Variants in CDH13 observed in about 807,000 individuals in gnomAD.
CDH13 encodes the protein cadherin-13.
In CDH13, 24 loss-of-function variants were observed where a neutral mutation model predicts 63.8. That is an observed-to-expected ratio of 0.38 (90% CI 0.27 to 0.53). The LOEUF (loss-of-function observed/expected upper bound fraction) is 0.53, where lower values mean the gene tolerates loss of function less well. Ranked by LOEUF, CDH13 falls within the 20% of genes least tolerant of loss-of-function variation. The pLI is 0.85. For synonymous variants in CDH13, 503 were observed against 355.3 expected (o/e 1.42, Z -4.67); for missense variants, 1,049 against 903.1 (o/e 1.16, Z -2.07).
In CDH13 at chr16:83,012,862, A is replaced by G. The variant is rs142236870; in HGVS notation, c.158-19148A>G. 3.0e-3 allele frequency among the ~76,000 whole-genome samples: 458 copies of G among 152,350 alleles called. 3 individuals carry two copies. In the Middle Eastern group the frequency reaches 0.034, roughly 11 times the overall value. On this transcript the variant is annotated intron_variant, in intron 2 of 13. Coordinates refer to ENST00000567109, the MANE Select transcript of CDH13 (RefSeq NM_001257.5). Reference sequence around the variant, plus strand: ...TAAGCCTCTTGAGAATTTATTTTAAATGGAAAATATCTCCCAGCAGATTGT... The same window carrying G: ...TAAGCCTCTTGAGAATTTATTTTAAGTGGAAAATATCTCCCAGCAGATTGT...
chr16:82,886,642 G>A (rs1384230217), intron 2 of CDH13, among the ~76,000 whole-genome samples: 2 of 150,680 alleles, frequency 1.3e-5, no homozygotes, highest in Non-Finnish European at 2.9e-5. Context: ...AGAAAGTTTT[G>A]GAATTTACTC....
At chr16:83,258,726 TTGTA>T (rs1906602475) in intron 5 of CDH13, among the ~76,000 whole-genome samples, 1 of 152,178 alleles carries the variant, frequency 6.6e-6, no homozygotes, top group African/African-American at 2.4e-5. Flanking sequence ...ACAGGGGTGT[TTGTA>T]TGTGCGCGTT....
intron 2 of CDH13, among the ~76,000 whole-genome samples, chr16:83,026,222 G>A (rs1915785546): frequency 6.6e-6 from 1 of 152,212 alleles, no homozygotes; most frequent in Non-Finnish European, 1.5e-5. Flanking sequence ...GCCCAAGGGG[G>A]CCATGTTGGG....
chr16:83,033,046 A>G (rs112596809), intron 3 of CDH13, among the ~76,000 whole-genome samples: 8 of 152,340 alleles, frequency 5.3e-5, no homozygotes, highest in East Asian at 1.9e-4. Flanking sequence ...TATGTTGTAC[A>G]TGTATGTGTA....
chr16:82,972,889 C>A (rs763941725), intron 2 of CDH13, among the ~76,000 whole-genome samples: 2 of 152,166 alleles, frequency 1.3e-5, no homozygotes, highest in African/African-American at 4.8e-5. Flanking sequence ...CCAGGTCACT[C>A]AGGCACAACC....
chr16:83,032,137 C>T lies in CDH13; in HGVS notation c.285C>T (p.Phe95=), dbSNP rs770842301. 3.7e-6 allele frequency: 6 copies of T among 1,613,492 alleles called. No homozygotes were observed. The highest frequency in any genetic ancestry group is 1.3e-5 in the African/African-American group (1 of 74,908). ...TAACTGCAGTGGGCAAAACTCTGTT[C>T]GTCCATGCACGGACCCCCCATGCGG... is the stretch of plus-strand genomic sequence containing the variant. ...RNITAVGKTL[F]VHARTPHAED... is the part of the protein sequence containing the mutation. Residue 95 remains phenylalanine (F), a synonymous_variant, in exon 3 of 14, where the codon TTC becomes TTT. Coordinates refer to ENST00000567109, the MANE Select transcript of CDH13 (RefSeq NM_001257.5).
Position 83,437,016 on chromosome 16 carries a change from A to G in CDH13, c.782-49461A>G, listed in dbSNP as rs563821302. On this transcript the variant is annotated intron_variant, in intron 6 of 13. Coordinates refer to ENST00000567109, the MANE Select transcript of CDH13 (RefSeq NM_001257.5). ...TTGGTGCTTGAGAACAAATTAAATC[A>G]AAGTCAAAACAACTAACTTTCCCTT... Among the ~76,000 whole-genome samples, 4 of 152,326 alleles carry G rather than the reference A, an allele frequency of 2.6e-5. No individual in the cohort carries two copies. The East Asian group carries it at 7.7e-4, about 29-fold the overall frequency.
intron 2 of CDH13, among the ~76,000 whole-genome samples, chr16:82,925,592 G>A (rs916193445): frequency 2.0e-5 from 3 of 152,184 alleles, no homozygotes; most frequent in African/African-American, 7.2e-5. Context: ...GAAGATCAGG[G>A]GAAGGTTTTT....
intron 1 of CDH13, among the ~76,000 whole-genome samples, chr16:82,729,600 G>C (rs949643586): frequency 6.6e-6 from 1 of 152,060 alleles, no homozygotes; most frequent in Non-Finnish European, 1.5e-5. Context: ...AGCACTGCAA[G>C]AGTAATTTAG....
Position 83,131,595 on chromosome 16 carries a change from T to G in CDH13, c.483+6094T>G, listed in dbSNP as rs189437884. 8.5e-5 allele frequency among the ~76,000 whole-genome samples: 13 copies of G among 152,278 alleles called. 1 individual carries two copies. The East Asian group carries it at 2.5e-3, about 29-fold the overall frequency. On this transcript the variant is annotated intron_variant, in intron 4 of 13. Transcript: ENST00000567109. ...TTTTGAGTTCTTGGGCCCGATTGAT[T>G]GAGAGCAGGGGACTTTAAATCTGTA...
chr16:83,433,646 C>T (rs1043110243), intron 6 of CDH13, among the ~76,000 whole-genome samples: 3 of 152,256 alleles, frequency 2.0e-5, no homozygotes, highest in African/African-American at 7.2e-5. Flanking sequence ...GATTCATTAC[C>T]CCAGCAGGAA....
chr16:83,505,531 CTTTTTTTTTT>C (rs5818453), intron 7 of CDH13, among the ~76,000 whole-genome samples: 9 of 97,380 alleles, frequency 9.2e-5, no homozygotes, highest in African/African-American at 2.5e-4. Context: ...GTGATTAATC[CTTTTTTTTTT>C]TTTTTTTTTT....
intron 10 of CDH13, among the ~76,000 whole-genome samples, chr16:83,707,804 T>C (rs954247322): frequency 2.0e-4 from 25 of 126,178 alleles, no homozygotes; most frequent in Admixed American, 1.0e-4. Flanking sequence ...GTGAACTGAG[T>C]GGGACTCATC....
At chr16:83,595,900 T>A (rs1211271859) in intron 7 of CDH13, among the ~76,000 whole-genome samples, 3 of 152,182 alleles carry the variant, frequency 2.0e-5, no homozygotes, top group African/African-American at 7.2e-5. Context: ...AGCTCTTGAG[T>A]ATACAGTGGA....
intron 6 of CDH13, among the ~76,000 whole-genome samples, chr16:83,368,669 T>A (rs1017167873): frequency 4.2e-5 from 6 of 143,908 alleles, no homozygotes; most frequent in Non-Finnish European, 9.3e-5. Context: ...TCCGTTGCCA[T>A]GCCCAACCCT....
chr16:83,288,006 T>C (rs1408174392), intron 5 of CDH13, among the ~76,000 whole-genome samples: 1 of 152,246 alleles, frequency 6.6e-6, no homozygotes, highest in African/African-American at 2.4e-5. Flanking sequence ...ACTGATTTCT[T>C]TCGTTTGACT....
intron 7 of CDH13, among the ~76,000 whole-genome samples, chr16:83,512,939 G>C (rs1176624622): frequency 6.6e-6 from 1 of 151,742 alleles, no homozygotes; most frequent in African/African-American, 2.4e-5. Flanking sequence ...GAGAACCTCT[G>C]ATCAAGCCCT....
chr16:82,681,970 C>T (rs1173397930), intron 1 of CDH13, among the ~76,000 whole-genome samples: 1 of 152,232 alleles, frequency 6.6e-6, no homozygotes, highest in East Asian at 1.9e-4. Context: ...CCTCTCCTTT[C>T]ATTTCCCCTC....
chr16:82,651,592 C>G (rs533675620), intron 1 of CDH13, among the ~76,000 whole-genome samples: 1 of 152,200 alleles, frequency 6.6e-6, no homozygotes, highest in Non-Finnish European at 1.5e-5. Context: ...TGTCTCAACA[C>G]TTGTAATAAC....
Sources: gnomAD v4.1 joint callset for allele counts (sites outside exome capture counted in the v4.1 genomes callset) on GRCh38, gnomAD v4.1.1 for gene constraint, MANE v1.5 for transcripts, NCBI Gene and HGNC (gene_info 2026-07-23, HGNC 2026-07-21) for gene names.